TNKS: variants seen among roughly 807,000 people sequenced by gnomAD.
TNKS encodes poly [ADP-ribose] polymerase tankyrase-1.
A neutral mutation model predicts 135.8 loss-of-function variants in TNKS; 72 were observed. The ratio of observed to expected loss-of-function variants is 0.53; its 90% CI spans 0.44 to 0.64. The LOEUF (loss-of-function observed/expected upper bound fraction) is 0.64. TNKS is among the 30% of genes least tolerant of loss of function. The pLI is 0.00. For missense variants in TNKS, 1,769 were observed against 1,674.0 expected (o/e 1.06, Z -0.99); for synonymous variants, 849 against 649.3 (o/e 1.31, Z -4.68).
chr8:9,633,812 A>G (rs1321272680), intron 3 of TNKS, among the ~76,000 whole-genome samples: 3 of 152,128 alleles, frequency 2.0e-5, no homozygotes, highest in Non-Finnish European at 4.4e-5. Context: ...CTTGTCAATA[A>G]CCACATGAAG....
chr8:9,603,885 G>T (rs1799116128), intron 2 of TNKS, among the ~76,000 whole-genome samples: 1 of 151,886 alleles, frequency 6.6e-6, no homozygotes, highest in Non-Finnish European at 1.5e-5. Context: ...TACAGAGTCA[G>T]TGATTATTTT....
intron 1 of TNKS, among the ~76,000 whole-genome samples, chr8:9,576,461 C>T (rs1406518890): frequency 6.6e-6 from 1 of 151,406 alleles, no homozygotes; most frequent in East Asian, 1.9e-4. Context: ...TGCCACCACC[C>T]CCCTCTTTTT....
intron 1 of TNKS, chr8:9,557,393 C>G (rs1815369324): frequency 7.5e-6 from 1 of 134,082 alleles, no homozygotes; most frequent in East Asian, 2.3e-4. Flanking sequence ...GGACCCCACA[C>G]TTGTCTTTTT....
chr8:9,656,257 G>A (rs894035668), intron 3 of TNKS, among the ~76,000 whole-genome samples: 2 of 152,190 alleles, frequency 1.3e-5, no homozygotes, highest in Non-Finnish European at 2.9e-5. Context: ...CCAAATCTAC[G>A]TCCTGATTGG....
chr8:9,618,186 C>T (rs1799724086), intron 3 of TNKS, among the ~76,000 whole-genome samples: 1 of 152,116 alleles, frequency 6.6e-6, no homozygotes, highest in African/African-American at 2.4e-5. Flanking sequence ...GGGGTTTCAC[C>T]ATGCTGGCCA....
At chr8:9,711,294 C>T (rs548583958) in intron 11 of TNKS, among the ~76,000 whole-genome samples, 1 of 152,154 alleles carries the variant, frequency 6.6e-6, no homozygotes, top group African/African-American at 2.4e-5. Flanking sequence ...CATTGTGACT[C>T]GTGATGTCAA....
intron 3 of TNKS, among the ~76,000 whole-genome samples, chr8:9,667,231 A>T (rs1802038900): frequency 6.6e-6 from 1 of 152,146 alleles, no homozygotes; most frequent in Non-Finnish European, 1.5e-5. Flanking sequence ...TTCAGAAAGA[A>T]CTCATTTTTG....
At chr8:9,763,024 A>T in intron 21 of TNKS, 123 bp from the exon 22 acceptor site, 1 of 421,432 alleles carries the variant, frequency 2.4e-6, no homozygotes, top group Non-Finnish European at 4.1e-6. Context: ...AATTGCAGAT[A>T]GTTTAGGTTT....
chr8:9,728,597 T>C (rs1439426104), intron 13 of TNKS, among the ~76,000 whole-genome samples: 1 of 152,216 alleles, frequency 6.6e-6, no homozygotes, highest in Non-Finnish European at 1.5e-5. Flanking sequence ...GCTTCAATCA[T>C]GTCAGACTCC....
chr8:9,712,153 A>T (rs1804367011), intron 11 of TNKS, among the ~76,000 whole-genome samples: 1 of 152,194 alleles, frequency 6.6e-6, no homozygotes, highest in Admixed American at 6.5e-5. Flanking sequence ...CTTTGCAACT[A>T]ATATAGCCAT....
rs188864147 is a variant in TNKS, at chr8:9,598,878, C to T, written c.899-16704C>T. Among the ~76,000 whole-genome samples, 38 of 137,092 alleles carry T rather than the reference C, an allele frequency of 2.8e-4. No individual in the cohort carries two copies. The East Asian group carries it at 8.2e-3, about 30-fold the overall frequency. 89.9% of individuals were successfully genotyped at this position (137,092 alleles called of 152,430 possible). ...AAATTTATCTGGAATGCTAGTAAGT[C>T]CGTGAGGCCTTGAGAGAGAGGAAGT... On this transcript the variant is annotated intron_variant, in intron 2 of 26. Coordinates refer to ENST00000310430, the MANE Select transcript of TNKS (RefSeq NM_003747.3).
chr8:9,610,431 G>C (rs1366939495), intron 2 of TNKS, among the ~76,000 whole-genome samples: 1 of 151,600 alleles, frequency 6.6e-6, no homozygotes, highest in Non-Finnish European at 1.5e-5. Flanking sequence ...ATACATGTTT[G>C]TGTAGAAGAA....
intron 3 of TNKS, among the ~76,000 whole-genome samples, chr8:9,638,716 C>G (rs1800613223): frequency 1.3e-5 from 2 of 151,730 alleles, no homozygotes; most frequent in South Asian, 4.2e-4. Context: ...AGATAGTTTC[C>G]CTTAAGAAAT....
At chr8:9,615,547 C>T (rs200150833) in intron 2 of TNKS, 35 bp from the exon 3 acceptor site, 12 of 1,558,438 alleles carry the variant, frequency 7.7e-6, no homozygotes, top group African/African-American at 6.8e-5. Flanking sequence ...TCTGTATCCC[C>T]GAGGTAAGAT....
rs373420364 is a variant in TNKS at position 9,591,293 on chromosome 8, C to T, written c.898+10910C>T. Among the ~76,000 whole-genome samples the T allele has an allele frequency of 1.6e-4, 24 of 152,158 alleles. No individual in the cohort carries two copies. In the East Asian group the frequency reaches 3.3e-3, roughly 21 times the overall value. On this transcript the variant is annotated intron_variant, in intron 2 of 26. Coordinates refer to ENST00000310430, the MANE Select transcript of TNKS (RefSeq NM_003747.3). ...GTGAGTTTATATTGTGTGTGCATATCGTTAGTTTTTTTGTTGTTGTATGGT... is the reference window on the plus strand; with the variant it reads ...GTGAGTTTATATTGTGTGTGCATATTGTTAGTTTTTTTGTTGTTGTATGGT...
intron 13 of TNKS, 56 bp downstream of exon 13, chr8:9,726,776 C>T (rs1585382540): frequency 7.4e-7 from 1 of 1,350,320 alleles, no homozygotes; most frequent in South Asian, 1.2e-5. Context: ...CTAACCAATT[C>T]ATTTTTAAGC....
Position 9,610,006 on chromosome 8 carries a change from C to T in TNKS, c.899-5576C>T, listed in dbSNP as rs564642721. On this transcript the variant is annotated intron_variant, in intron 2 of 26. Transcript: ENST00000310430. The stretch of plus-strand genomic sequence containing the variant: ...CCGAGTAGCTGGGACTACAGGCGCC[C>T]GCCACCACGCCTGGCTAATTTTTTG... 5.1e-3 allele frequency among the ~76,000 whole-genome samples: 773 copies of T among 152,120 alleles called. 8 individuals are homozygous for T. The highest frequency in any genetic ancestry group is 0.017 in the African/African-American group (687 of 41,490).
At chr8:9,610,934 A>G (rs557354515) in intron 2 of TNKS, among the ~76,000 whole-genome samples, 1 of 152,332 alleles carries the variant, frequency 6.6e-6, no homozygotes, top group South Asian at 2.1e-4. Context: ...ATTTGCAATA[A>G]TTATGCAAAT....
intron 3 of TNKS, among the ~76,000 whole-genome samples, chr8:9,626,049 T>C (rs1478063033): frequency 6.6e-6 from 1 of 152,238 alleles, no homozygotes; most frequent in Non-Finnish European, 1.5e-5. Context: ...CTTTAACTTC[T>C]ATCAGTTTTT....
Sources: gnomAD v4.1 joint callset for allele counts (sites outside exome capture counted in the v4.1 genomes callset) on GRCh38, gnomAD v4.1.1 for gene constraint, MANE v1.5 for transcripts, NCBI Gene and HGNC (gene_info 2026-07-23, HGNC 2026-07-21) for gene names.